Variants in CPQ observed in about 807,000 individuals in gnomAD.
CPQ encodes the protein Ser-Met dipeptidase.
A neutral mutation model predicts 45.7 loss-of-function variants in CPQ; 37 were observed. That is an observed-to-expected ratio of 0.81 (90% confidence interval 0.62 to 1.07). CPQ has a LOEUF of 1.07. CPQ is among the 50% of genes least tolerant of loss of function. The pLI, the probability that CPQ is intolerant of heterozygous loss-of-function variation, is 0.00. For missense variants in CPQ, 537 were observed against 572.9 expected, an observed-to-expected ratio of 0.94 and a Z score of 0.64; for synonymous variants, 186 against 205.8, an observed-to-expected ratio of 0.90 and a Z score of 0.82.
At chr8:97,103,157 T>C (rs1281573766) in intron 7 of CPQ, among the ~76,000 whole-genome samples, 2 of 152,118 alleles carry the variant, frequency 1.3e-5, no homozygotes, top group Non-Finnish European at 1.5e-5. Context: ...CATCTTAAAA[T>C]CCTTAATTTA....
At chr8:97,128,497 C>T (rs892530601) in intron 7 of CPQ, among the ~76,000 whole-genome samples, 3 of 152,206 alleles carry the variant, frequency 2.0e-5, no homozygotes, top group Admixed American at 6.5e-5. Flanking sequence ...CCAGCCTGGC[C>T]AACTCGGTGA....
At chr8:96,733,153 C>T (rs1052879715) in intron 1 of CPQ, among the ~76,000 whole-genome samples, 3 of 152,112 alleles carry the variant, frequency 2.0e-5, no homozygotes, top group Admixed American at 2.0e-4. Flanking sequence ...TGTAGACCCT[C>T]CTCAAATCTC....
intron 4 of CPQ, among the ~76,000 whole-genome samples, chr8:96,904,589 T>C (rs1006720548): frequency 1.3e-5 from 2 of 152,184 alleles, no homozygotes; most frequent in Non-Finnish European, 2.9e-5. Context: ...TATTTATTCT[T>C]AAACCATGCT....
intron 4 of CPQ, among the ~76,000 whole-genome samples, chr8:96,883,386 C>A (rs914837743): frequency 6.6e-6 from 1 of 152,120 alleles, no homozygotes; most frequent in South Asian, 2.1e-4. Context: ...CACCTTCTCC[C>A]AGAAGGTAGA....
At chr8:97,048,082 G>A (rs958357829) in intron 6 of CPQ, among the ~76,000 whole-genome samples, 1 of 152,138 alleles carries the variant, frequency 6.6e-6, no homozygotes, top group African/African-American at 2.4e-5. Flanking sequence ...CATCAGAATG[G>A]ACCCCTACCT....
intron 6 of CPQ, among the ~76,000 whole-genome samples, chr8:97,062,873 A>C (rs575017977): frequency 6.6e-6 from 1 of 152,248 alleles, no homozygotes; most frequent in Non-Finnish European, 1.5e-5. Context: ...CCAGTCTATC[A>C]CTGATGAGCA....
intron 4 of CPQ, among the ~76,000 whole-genome samples, chr8:96,897,267 A>G (rs972456818): frequency 6.6e-6 from 1 of 152,228 alleles, no homozygotes; most frequent in Admixed American, 6.5e-5. Flanking sequence ...AGTAGGGGCT[A>G]GGGACCTTCA....
intron 7 of CPQ, among the ~76,000 whole-genome samples, chr8:97,091,582 T>G (rs527351826): frequency 4.0e-4 from 61 of 152,294 alleles, no homozygotes; most frequent in African/African-American, 1.4e-3. Flanking sequence ...ATGGTGAACA[T>G]TTTAGGTTCT....
chr8:96,816,808 G>A (rs1811234264), intron 2 of CPQ, among the ~76,000 whole-genome samples: 1 of 152,068 alleles, frequency 6.6e-6, no homozygotes, highest in African/African-American at 2.4e-5. Context: ...TATTTTGAAA[G>A]GATTTTTTTT....
At chr8:96,776,057 A>G (rs527281855) in intron 1 of CPQ, among the ~76,000 whole-genome samples, 1 of 152,382 alleles carries the variant, frequency 6.6e-6, no homozygotes, top group Non-Finnish European at 1.5e-5. Context: ...AAATTCTTGC[A>G]GAATTCCTTG....
intron 5 of CPQ, among the ~76,000 whole-genome samples, chr8:97,025,178 A>G (rs1027867875): frequency 6.6e-6 from 1 of 152,306 alleles, no homozygotes; most frequent in Non-Finnish European, 1.5e-5. Context: ...GCTTAATGAT[A>G]GTTCTCTCTC....
chr8:96,786,329 C>T (rs1810768098), intron 2 of CPQ, among the ~76,000 whole-genome samples: 2 of 152,028 alleles, frequency 1.3e-5, no homozygotes, highest in Non-Finnish European at 2.9e-5. Context: ...TTTCCAGGTT[C>T]ATCTATGTTG....
intron 4 of CPQ, among the ~76,000 whole-genome samples, chr8:96,904,992 G>A (rs1812557648): frequency 6.6e-6 from 1 of 152,126 alleles, no homozygotes; most frequent in South Asian, 2.1e-4. Flanking sequence ...CAGTAGCCCT[G>A]TATTAGTTCA....
chr8:96,941,055 T>C (rs892640601), intron 4 of CPQ, among the ~76,000 whole-genome samples: 6 of 152,134 alleles, frequency 3.9e-5, no homozygotes, highest in Non-Finnish European at 7.4e-5. Context: ...CTAGAAAAGC[T>C]GAGAAATTCA....
intron 7 of CPQ, among the ~76,000 whole-genome samples, chr8:97,099,891 A>G (rs1811274474): frequency 6.6e-6 from 1 of 152,208 alleles, no homozygotes; most frequent in Admixed American, 6.5e-5. Context: ...CTAGAGTTAG[A>G]AAATTATGAG....
At chr8:96,908,136 G>C (rs924508214) in intron 4 of CPQ, among the ~76,000 whole-genome samples, 95 of 150,442 alleles carry the variant, frequency 6.3e-4, no homozygotes, top group African/African-American at 2.2e-3. Flanking sequence ...GTGTGTGTGT[G>C]TGTGTGTCTG....
intron 7 of CPQ, among the ~76,000 whole-genome samples, chr8:97,117,578 G>C (rs1330260697): frequency 6.6e-6 from 1 of 151,898 alleles, no homozygotes; most frequent in African/African-American, 2.4e-5. Context: ...CTGTACCCAG[G>C]CTTGAGTACA....
At chr8:96,930,419 G>T (rs1211143775) in intron 4 of CPQ, among the ~76,000 whole-genome samples, 19 of 152,216 alleles carry the variant, frequency 1.2e-4, no homozygotes. Context: ...CCACAGAATT[G>T]CTGTCTCAGA....
intron 7 of CPQ, among the ~76,000 whole-genome samples, chr8:97,075,033 T>A (rs1166817825): frequency 6.6e-6 from 1 of 152,064 alleles, no homozygotes; most frequent in Non-Finnish European, 1.5e-5. Context: ...AAGCAGTGTT[T>A]TAGAATGTAA....
Sources: gnomAD v4.1 joint callset for allele counts (sites outside exome capture counted in the v4.1 genomes callset) on GRCh38, gnomAD v4.1.1 for gene constraint, MANE v1.5 for transcripts, NCBI Gene and HGNC (gene_info 2026-07-23, HGNC 2026-07-21) for gene names.